Variants in MINK1 observed in about 807,000 individuals in gnomAD.
The protein encoded by MINK1 is misshapen-like kinase 1.
MINK1 carries 46 observed loss-of-function variants against 178.4 expected under a neutral mutation model. The ratio of observed to expected loss-of-function variants is 0.26; its 90% CI spans 0.20 to 0.33. The LOEUF (loss-of-function observed/expected upper bound fraction) is 0.33. MINK1 is among the 10% of genes least tolerant of loss of function. MINK1 has a pLI of 1.00. For missense variants in MINK1, 1,366 were observed against 1,814.9 expected, an observed-to-expected ratio of 0.75 and a Z score of 4.49; for synonymous variants, 797 against 709.7, an observed-to-expected ratio of 1.12 and a Z score of -1.96.
chr17:4,892,839 G>A (rs1968999641), intron 19 of MINK1, 71 bp downstream of exon 19: 1 of 1,453,722 alleles, frequency 6.9e-7, no homozygotes, highest in East Asian at 2.4e-5. Context: ...GCCTTTGGTG[G>A]CTTTGGACTG....
chr17:4,883,318 T>TGACAG (rs1032337255), intron 4 of MINK1: 19 of 149,880 alleles, frequency 1.3e-4, no homozygotes, highest in African/African-American at 4.4e-4. Flanking sequence ...GATTCTCCTG[T>TGACAG]GTCAGCATCC....
At position 4,895,258 on chromosome 17, in the gene MINK1, G is replaced by A. The variant is rs1969328482; in HGVS notation, c.3085+16G>A. 13 of 1,613,726 alleles carry A rather than the reference G, an allele frequency of 8.1e-6. No individual in the cohort carries two copies. The highest frequency in any genetic ancestry group is 6.7e-5 in the East Asian group (3 of 44,888). On this transcript the variant is annotated intron_variant, in intron 25 of 31. Transcript: ENST00000355280. This position sits in a 1 kb window ranked among gnomAD's most constrained non-coding sequence, Gnocchi z 4.3. ...GCCCTTTGGGGTAAGCCAGGGCAGGGACAGCTGAGGAGGCTCTGGCGTGGC... is the reference window on the plus strand; with the variant it reads ...GCCCTTTGGGGTAAGCCAGGGCAGGAACAGCTGAGGAGGCTCTGGCGTGGC...
chr17:4,867,322 C>G (rs1322621362), intron 1 of MINK1, among the ~76,000 whole-genome samples: 1 of 149,070 alleles, frequency 6.7e-6, no homozygotes, highest in East Asian at 2.0e-4. Context: ...GCCACCATGC[C>G]CTACCTCTTA....
In MINK1 at chr17:4,886,720, T is replaced by A; in HGVS notation, c.949+94T>A. On this transcript the variant is annotated intron_variant, in intron 10 of 31. Coordinates refer to ENST00000355280, the MANE Select transcript of MINK1 (RefSeq NM_153827.5). The surrounding 1 kb of genome is among the most constrained non-coding windows in gnomAD (Gnocchi z 6.1). ...GCTCGCTCCTGGCACCCCTTCCTGC[T>A]CCCCTCCTTGGCCCCAGCTCTCCCT... 2.2e-6 allele frequency: 3 copies of A among 1,339,850 alleles called. No homozygotes were observed. Among genetic ancestry groups the A allele is most frequent in the Non-Finnish European group, 3.0e-6 (3 of 1,009,704 alleles). The allele number at this position is 1,339,850 out of a possible 1,614,324, so 83.0% of individuals were successfully genotyped here. A position where few individuals can be genotyped will look rare whatever the true frequency, so the allele number is the denominator to read the frequency against.
intron 4 of MINK1, among the ~76,000 whole-genome samples, chr17:4,884,131 T>C (rs140340930): frequency 0.037 from 5,555 of 151,304 alleles, 345 homozygotes; most frequent in African/African-American, 0.13. Context: ...CCTCCCAAAG[T>C]GCTGGGATTA....
intron 2 of MINK1, among the ~76,000 whole-genome samples, chr17:4,878,761 T>C (rs1309038095): frequency 6.6e-6 from 1 of 152,142 alleles, no homozygotes; most frequent in Non-Finnish European, 1.5e-5. Flanking sequence ...ACCCAGGACT[T>C]TGAGGTAGTG....
intron 1 of MINK1, among the ~76,000 whole-genome samples, chr17:4,856,341 A>G (rs1913133314): frequency 6.6e-6 from 1 of 152,066 alleles, no homozygotes; most frequent in South Asian, 2.1e-4. Context: ...CTGCTTGGGT[A>G]GGAAGGAGGT....
In MINK1 at chr17:4,892,762, G is replaced by T. The variant is rs367931451; in HGVS notation, c.2305G>T (p.Val769Leu). Residue 769 changes from valine (V) to leucine (L), a missense_variant, in exon 19 of 32, where the codon GTG (valine) becomes TTG (leucine). Transcript: ENST00000355280. ...GGCTGGCTCACTGGAGCGGAACCGC[G>T]TGGGAGGTATGTGAGCCAGGGCTGG... ...PQAGSLERNR[V>L]GVSSKPDSSP... 6.2e-7 allele frequency: 1 copy of T among 1,606,186 alleles called. No individual in the cohort carries two copies. The highest frequency in any genetic ancestry group is 8.5e-7 in the Non-Finnish European group (1 of 1,176,416).
rs934063652 is a variant in MINK1 at position 4,885,419 on chromosome 17, G to C, written c.509-64G>C. 6.3e-7 allele frequency: 1 copy of C among 1,591,126 alleles called. No homozygotes were observed. The highest frequency in any genetic ancestry group is 8.6e-7 in the Non-Finnish European group (1 of 1,167,204). ...CAGGCAAGTCCTGTGTGTGCACGCA[G>C]GGATGTGAGGCAAGGGAGCAGAGGT... On this transcript the variant is annotated intron_variant, in intron 6 of 31. Transcript: ENST00000355280. The surrounding 1 kb of genome is among the most constrained non-coding windows in gnomAD (Gnocchi z 5.0).
At chr17:4,865,574 T>C (rs1007707934) in intron 1 of MINK1, among the ~76,000 whole-genome samples, 1 of 151,350 alleles carries the variant, frequency 6.6e-6, no homozygotes, top group Admixed American at 6.6e-5. Flanking sequence ...AATGATGAAA[T>C]TGTGATCTAT....
chr17:4,842,309 C>T (rs181598476), intron 1 of MINK1, among the ~76,000 whole-genome samples: 41 of 151,930 alleles, frequency 2.7e-4, no homozygotes, highest in Admixed American at 1.5e-3. Flanking sequence ...GAGTCTGGGA[C>T]AGTGCATCGA....
chr17:4,851,538 C>T (rs1911950934), intron 1 of MINK1, among the ~76,000 whole-genome samples: 1 of 152,178 alleles, frequency 6.6e-6, no homozygotes, highest in Non-Finnish European at 1.5e-5. Flanking sequence ...TCTCACCCAG[C>T]CCAGCCTCTG....
chr17:4,896,631 C>T lies in MINK1; in HGVS notation c.3775+43C>T. 1.2e-6 allele frequency: 2 copies of T among 1,610,426 alleles called. No homozygotes were observed. Among genetic ancestry groups the T allele is most frequent in the Non-Finnish European group, 1.7e-6 (2 of 1,177,772 alleles). On this transcript the variant is annotated intron_variant, in intron 30 of 31. Coordinates refer to ENST00000355280, the MANE Select transcript of MINK1 (RefSeq NM_153827.5). This position sits in a 1 kb window ranked among gnomAD's most constrained non-coding sequence, Gnocchi z 4.6. ...CTCCCAGCCACATGCCCCGAGGTGG[C>T]CCCGGGGTGCAGCCTGCTCAGCCCC...
rs1238264205 is a variant in MINK1 at position 4,897,461 on chromosome 17, A to ATCCTCTTCCCCAACATG, written c.*185_*201dup. On this transcript the variant is annotated 3_prime_UTR_variant, in exon 32 of 32. Coordinates refer to ENST00000355280, the MANE Select transcript of MINK1 (RefSeq NM_153827.5). ...CTGATGCTTTCGTGATCACGTGACC[A>ATCCTCTTCCCCAACATG]TCCTCTTCCCCAACATGTCCTCTTC... is the stretch of plus-strand genomic sequence containing the variant. The ATCCTCTTCCCCAACATG allele has an allele frequency of 5.2e-5, 31 of 593,064 alleles. No homozygotes were observed. The highest frequency in any genetic ancestry group is 4.3e-4 in the Admixed American group (14 of 32,604). The allele number at this position is 593,064 out of a possible 1,614,324, so 36.7% of individuals were successfully genotyped here. A position where few individuals can be genotyped will look rare whatever the true frequency, so the allele number is the denominator to read the frequency against.
At chr17:4,866,005 T>C (rs988783124) in intron 1 of MINK1, among the ~76,000 whole-genome samples, 3 of 152,174 alleles carry the variant, frequency 2.0e-5, no homozygotes, top group Non-Finnish European at 4.4e-5. Context: ...AGGTTATTAA[T>C]GTGTGCCTCT....
intron 1 of MINK1, among the ~76,000 whole-genome samples, chr17:4,876,104 T>C (rs980597703): frequency 4.6e-5 from 7 of 152,208 alleles, no homozygotes; most frequent in African/African-American, 1.7e-4. Flanking sequence ...CAAGATTTTT[T>C]TTTTCGTAAC....
At chr17:4,884,028 CT>C (rs1057478222) in intron 4 of MINK1, among the ~76,000 whole-genome samples, 12,391 of 131,740 alleles carry the variant, frequency 0.094, 436 homozygotes, top group African/African-American at 0.14. Context: ...TCCTTCTCCT[CT>C]TTTTTTTTTT....
At chr17:4,875,957 A>G (rs1967146828) in intron 1 of MINK1, among the ~76,000 whole-genome samples, 1 of 151,276 alleles carries the variant, frequency 6.6e-6, no homozygotes, top group South Asian at 2.1e-4. Flanking sequence ...CACCACGCCC[A>G]GCTAATTTTT....
intron 21 of MINK1, 191 bp downstream of exon 21, chr17:4,893,788 C>G: frequency 3.2e-6 from 3 of 938,276 alleles, no homozygotes; most frequent in East Asian, 5.4e-5. Flanking sequence ...TCTTCAAGTG[C>G]CTGTCTGCCC....
Sources: allele counts gnomAD v4.1 joint callset (sites outside exome capture counted in the v4.1 genomes callset), GRCh38; gene constraint gnomAD v4.1.1; non-coding constraint Gnocchi (gnomAD v3.1); transcripts MANE v1.5; gene names NCBI Gene and HGNC (gene_info 2026-07-23, HGNC 2026-07-21).